EGF: variants seen among roughly 807,000 people sequenced by gnomAD.
The protein encoded by EGF is epidermal growth factor, also known as pro-epidermal growth factor.
A neutral mutation model predicts 143.8 loss-of-function variants in EGF; 95 were observed. That is an observed-to-expected ratio of 0.66 (90% CI 0.56 to 0.78). The LOEUF (loss-of-function observed/expected upper bound fraction) is 0.78, where lower values mean the gene tolerates loss of function less well. Ranked by LOEUF, EGF falls within the 30% of genes least tolerant of loss-of-function variation. EGF has a pLI of 0.00. For synonymous variants in EGF, 510 were observed against 510.5 expected (o/e 1.00, Z 0.01); for missense variants, 1,320 against 1,470.9 (o/e 0.90, Z 1.68).
Position 109,980,002 on chromosome 4 carries a change from A to C in EGF, c.2084A>C (p.Asp695Ala), listed in dbSNP as rs1006719043. Residue 695 changes from aspartate to alanine, a missense_variant, in exon 14 of 24, where the codon GAT (aspartate) becomes GCT (alanine). Asp to Ala is a moderately radical substitution (Grantham distance 126). Coordinates refer to ENST00000265171, the MANE Select transcript of EGF (RefSeq NM_001963.6). Reference protein sequence around the residue: ...GHPFAVAVFEDYVWFSDWAMP... With the variant: ...GHPFAVAVFEAYVWFSDWAMP... ...CCATTTGCTGTAGCAGTGTTTGAGG[A>C]TTATGTGTGGTTCTCAGATTGGGCT... 10 of 1,613,910 alleles carry C rather than the reference A, an allele frequency of 6.2e-6. No homozygotes were observed. Among genetic ancestry groups the C allele is most frequent in the Non-Finnish European group, 7.6e-6 (9 of 1,179,952 alleles).
rs11569095 is a variant in EGF at position 109,999,291 on chromosome 4, A to G, written c.3006-388A>G. ...CAAATTCTCCTTTCCTTTCACCTATACTCATTGCAATCTGGCCAAACATTT... is the reference window on the plus strand; with the variant it reads ...CAAATTCTCCTTTCCTTTCACCTATGCTCATTGCAATCTGGCCAAACATTT... On this transcript the variant is annotated intron_variant, in intron 20 of 23. Coordinates refer to ENST00000265171, the MANE Select transcript of EGF (RefSeq NM_001963.6). Among the ~76,000 whole-genome samples the G allele has an allele frequency of 5.7e-4, 86 of 151,954 alleles. 1 individual carries two copies. In the East Asian group the frequency reaches 0.015, roughly 26 times the overall value.
chr4:109,926,793 C>T (rs1738749478), intron 1 of EGF, among the ~76,000 whole-genome samples: 3 of 152,054 alleles, frequency 2.0e-5, no homozygotes, highest in African/African-American at 7.2e-5. Flanking sequence ...AAACTTTATC[C>T]AAGTTATAGG....
chr4:109,963,064 CAA>C (rs61309548), intron 8 of EGF, 107 bp from the exon 9 acceptor site: 19,154 of 1,084,282 alleles, frequency 0.018, no homozygotes, highest in East Asian at 0.031. Context: ...AACTCCATCT[CAA>C]AAAAAAAAAA....
intron 19 of EGF, among the ~76,000 whole-genome samples, chr4:109,994,314 G>A (rs1751464112): frequency 6.6e-6 from 1 of 152,106 alleles, no homozygotes; most frequent in South Asian, 2.1e-4. Flanking sequence ...CCAGGATATT[G>A]GAGGTAACGG....
intron 23 of EGF, among the ~76,000 whole-genome samples, chr4:110,009,567 C>T (rs941642873): frequency 6.6e-6 from 1 of 152,048 alleles, no homozygotes; most frequent in African/African-American, 2.4e-5. Context: ...GTCTCTTTTG[C>T]TGTTGTTTTT....
intron 1 of EGF, among the ~76,000 whole-genome samples, chr4:109,932,378 A>ATATATATATATATATATATATAT (rs1560643472): frequency 2.6e-5 from 2 of 75,754 alleles, no homozygotes; most frequent in African/African-American, 1.2e-4. Context: ...TATATATATA[A>ATATATATATATATATATATATAT]ATTTTTTTTT....
At chr4:109,942,401 A>G (rs1212838748) in intron 2 of EGF, among the ~76,000 whole-genome samples, 1 of 152,244 alleles carries the variant, frequency 6.6e-6, no homozygotes, top group Non-Finnish European at 1.5e-5. Context: ...TTTCAATGGT[A>G]AAATAAGTTG....
At position 109,945,117 on chromosome 4, in the gene EGF, A is replaced by G. The variant is rs2126012242; in HGVS notation, c.782A>G (p.Tyr261Cys). The change falls in exon 5 of 24, where the codon TAT becomes TGT. Residue 261 changes from tyrosine to cysteine, a missense_variant. Tyr to Cys is a radical substitution (Grantham distance 194, BLOSUM62 -2). Around this residue, in one of 5 missense-constraint regions of EGF, gnomAD observed 1,186 missense variants for 1,313.7 expected, o/e 0.90. Transcript: ENST00000265171. The stretch of plus-strand genomic sequence containing the variant: ...TCCCTTTTTGGTGACCGTATCTTCT[A>G]TTCAACATGGAAAATGAAGACAATT... ...AMSLFGDRIF[Y>C]STWKMKTIWI... 1 of 1,614,164 alleles carries G rather than the reference A, an allele frequency of 6.2e-7. No homozygotes were observed. The highest frequency in any genetic ancestry group is 8.5e-7 in the Non-Finnish European group (1 of 1,180,030).
intron 17 of EGF, among the ~76,000 whole-genome samples, 174 bp from the exon 18 acceptor site, chr4:109,988,410 C>T (rs918576010): frequency 6.6e-6 from 1 of 152,174 alleles, no homozygotes; most frequent in African/African-American, 2.4e-5. Flanking sequence ...AAGACTAATT[C>T]AGCAGTAACT....
intron 11 of EGF, among the ~76,000 whole-genome samples, chr4:109,973,860 C>T (rs1342518669): frequency 6.6e-6 from 1 of 152,146 alleles, no homozygotes; most frequent in Admixed American, 6.6e-5. Context: ...ATTTTCTACC[C>T]TGCCAGATTC....
intron 19 of EGF, 27 bp from the exon 20 acceptor site, chr4:109,994,706 T>C: frequency 6.2e-7 from 1 of 1,612,894 alleles, no homozygotes; most frequent in Non-Finnish European, 8.5e-7. Flanking sequence ...ATTCAGAAAG[T>C]AAAAGTAATG....
intron 5 of EGF, among the ~76,000 whole-genome samples, chr4:109,955,503 G>A (rs548618183): frequency 7.9e-5 from 12 of 152,286 alleles, no homozygotes; most frequent in South Asian, 2.1e-4. Context: ...TTCAGGTCAC[G>A]TCATCAGCAC....
chr4:109,945,314 G>T, intron 5 of EGF, 39 bp downstream of exon 5: 1 of 1,592,992 alleles, frequency 6.3e-7, no homozygotes, highest in Non-Finnish European at 8.6e-7. Flanking sequence ...CTGACACATA[G>T]TTCCCACCCA....
intron 16 of EGF, among the ~76,000 whole-genome samples, chr4:109,984,585 C>T (rs1006423320): frequency 3.3e-5 from 5 of 152,210 alleles, no homozygotes; most frequent in African/African-American, 9.6e-5. Flanking sequence ...CATCAGGCAT[C>T]GGTGTAGGCA....
chr4:109,971,184 T>C (rs372059351), intron 11 of EGF, among the ~76,000 whole-genome samples: 2 of 152,130 alleles, frequency 1.3e-5, no homozygotes, highest in East Asian at 3.8e-4. Context: ...GATGGCCATT[T>C]GCAAAGCATA....
chr4:109,974,680 C>T, intron 11 of EGF, 23 bp from the exon 12 acceptor site: 2 of 1,562,900 alleles, frequency 1.3e-6, no homozygotes, highest in East Asian at 2.2e-5. Flanking sequence ...ATAACAAACT[C>T]CCTTATTTTG....
At chr4:109,992,170 T>TAAAAAAAAAAAA (rs58841408) in intron 18 of EGF, among the ~76,000 whole-genome samples, 16 of 65,634 alleles carry the variant, frequency 2.4e-4, no homozygotes, top group East Asian at 2.4e-3. Flanking sequence ...CAAGATTCTT[T>TAAAAAAAAAAAA]AAAAAAAAAA....
chr4:109,938,543 A>C (rs1335077680), intron 1 of EGF, among the ~76,000 whole-genome samples: 2 of 152,158 alleles, frequency 1.3e-5, no homozygotes, highest in Non-Finnish European at 2.9e-5. Context: ...TTCTTTGTCC[A>C]GTTTTGTTCC....
chr4:109,954,601 A>G (rs1167730158), intron 5 of EGF, among the ~76,000 whole-genome samples: 1 of 152,228 alleles, frequency 6.6e-6, no homozygotes, highest in South Asian at 2.1e-4. Context: ...AAGTTGAGGC[A>G]GTCATTATTG....
Sources: allele counts gnomAD v4.1 joint callset (sites outside exome capture counted in the v4.1 genomes callset), GRCh38; gene constraint gnomAD v4.1.1; regional missense constraint gnomAD v4.1.1; transcripts MANE v1.5; gene names NCBI Gene and HGNC (gene_info 2026-07-23, HGNC 2026-07-21).